Variants in IMPA1 observed in about 807,000 individuals in gnomAD.
The protein encoded by IMPA1 is inositol monophosphatase 1, also known as D-galactose 1-phosphate phosphatase.
A neutral mutation model predicts 34.9 loss-of-function variants in IMPA1; 21 were observed. The ratio of observed to expected loss-of-function variants is 0.60; its 90% CI spans 0.43 to 0.87. IMPA1 has a LOEUF of 0.87. Among genes scored for constraint, IMPA1 ranks in the 40% least tolerant of loss-of-function variants. The pLI is 0.00. For missense variants in IMPA1, 299 were observed against 336.4 expected (o/e 0.89, Z 0.87); for synonymous variants, 95 against 104.4 (o/e 0.91, Z 0.55).
chr8:81,659,027 A>C lies in IMPA1; in HGVS notation c.*324T>G, dbSNP rs773393432. On this transcript the variant is annotated 3_prime_UTR_variant, in exon 9 of 9. Transcript: ENST00000256108. ...TGGGTGTCTCTGCACCTATATACTA[A>C]GTCAAAATTTCAGGGGACCATAGAT... 8.8e-5 allele frequency: 28 copies of C among 316,442 alleles called. No individual in the cohort carries two copies. The highest frequency in any genetic ancestry group is 1.5e-4 in the Admixed American group (3 of 19,720). 19.6% of individuals were successfully genotyped at this position (316,442 alleles called of 1,614,324 possible). A position where few individuals can be genotyped will look rare whatever the true frequency, so the allele number is the denominator to read the frequency against.
intron 3 of IMPA1, among the ~76,000 whole-genome samples, chr8:81,680,375 G>A (rs771786562): frequency 8.5e-5 from 13 of 152,128 alleles, no homozygotes; most frequent in Non-Finnish European, 8.8e-5. Flanking sequence ...CTTCCATGTC[G>A]TGAGCTACTC....
In IMPA1 at chr8:81,666,711, T is replaced by TAAAAATAC. The variant is rs549836210; in HGVS notation, c.566+4220_566+4227dup. Among the ~76,000 whole-genome samples the TAAAAATAC allele has an allele frequency of 2.1e-3, 316 of 151,720 alleles. 1 individual carries two copies. Among genetic ancestry groups the TAAAAATAC allele is most frequent in the African/African-American group, 7.4e-3 (305 of 41,374 alleles). On this transcript the variant is annotated intron_variant, in intron 7 of 8. Coordinates refer to ENST00000256108, the MANE Select transcript of IMPA1 (RefSeq NM_005536.4). Reference sequence around the variant, plus strand: ...CAACATGGCGAAACCCTGTCTCTACTAAAAATACAAAAGCCGGGCATGGTG... The same window carrying TAAAAATAC: ...CAACATGGCGAAACCCTGTCTCTACTAAAAATACAAAAATACAAAAGCCGGGCATGGTG...
chr8:81,684,403 T>A lies in IMPA1; in HGVS notation c.-25+1849A>T, dbSNP rs575988952. Among the ~76,000 whole-genome samples, 7 of 144,938 alleles carry A rather than the reference T, an allele frequency of 4.8e-5. No individual in the cohort carries two copies. The South Asian group carries it at 1.5e-3, about 31-fold the overall frequency. ...ATATATAGTATATATACCATACATA[T>A]TTAGATACTATATATAGTATACTAT... is the stretch of plus-strand genomic sequence containing the variant. On this transcript the variant is annotated intron_variant, in intron 1 of 8. Coordinates refer to ENST00000256108, the MANE Select transcript of IMPA1 (RefSeq NM_005536.4).
rs150137136 is a variant in IMPA1, at chr8:81,680,663, A to G, written c.184T>C (p.Tyr62His). The G allele has an allele frequency of 1.2e-6, 2 of 1,609,460 alleles. No homozygotes were observed. Among genetic ancestry groups the G allele is most frequent in the Non-Finnish European group, 1.7e-6 (2 of 1,177,688 alleles). The change falls in exon 3 of 9, where the codon TAT (tyrosine) becomes CAT (histidine). Residue 62 changes from tyrosine to histidine, a missense_variant. Transcript: ENST00000256108. ...KMLISSIKEK[Y>H]PSHSFIGEES... ...AAATAAAAATACCTGTGAGATGGAT[A>G]CTTTTCCTTTATGGAAGAGATAAGC...
At chr8:81,674,022 G>A (rs191162314) in intron 5 of IMPA1, 73 bp from the exon 6 acceptor site, 15 of 887,102 alleles carry the variant, frequency 1.7e-5, no homozygotes, top group Non-Finnish European at 2.8e-5. Context: ...AAAATAACAA[G>A]ACAATCTGGT....
At chr8:81,680,339 AC>A (rs1254669023) in intron 3 of IMPA1, among the ~76,000 whole-genome samples, 2 of 152,084 alleles carry the variant, frequency 1.3e-5, no homozygotes, top group Admixed American at 1.3e-4. Flanking sequence ...TTCCTGTGCC[AC>A]CTGCTCTGGA....
intron 7 of IMPA1, among the ~76,000 whole-genome samples, chr8:81,668,792 C>T (rs1043479814): frequency 3.9e-5 from 6 of 151,960 alleles, no homozygotes; most frequent in African/African-American, 9.7e-5. Flanking sequence ...AGAAAGAACC[C>T]GAAGGCATTT....
chr8:81,658,235 A>G lies in IMPA1; in HGVS notation c.*1116T>C, dbSNP rs1806573349. On this transcript the variant is annotated 3_prime_UTR_variant, in exon 9 of 9. Coordinates refer to ENST00000256108, the MANE Select transcript of IMPA1 (RefSeq NM_005536.4). ...GTAGTCTGTTTACGTGCCAAGGGAT[A>G]AGGCTGAACAATAAATTAACCCTTT... is the stretch of plus-strand genomic sequence containing the variant. 6.6e-6 allele frequency: 1 copy of G among 152,208 alleles called. No individual in the cohort carries two copies. The allele number at this position is 152,208 out of a possible 1,614,324, so 9.4% of individuals were successfully genotyped here.
chr8:81,678,600 A>G, intron 4 of IMPA1: 2 of 174,104 alleles, frequency 1.1e-5, no homozygotes, highest in Non-Finnish European at 2.5e-5. Flanking sequence ...GCTGAGGCAG[A>G]AGAATCGCTT....
chr8:81,676,964 A>G (rs1807150609), intron 4 of IMPA1, among the ~76,000 whole-genome samples: 1 of 152,210 alleles, frequency 6.6e-6, no homozygotes, highest in Non-Finnish European at 1.5e-5. Flanking sequence ...ACTGCATGCC[A>G]GCCTGGGTGA....
At chr8:81,683,837 A>T (rs1585905750) in intron 1 of IMPA1, among the ~76,000 whole-genome samples, 1 of 152,156 alleles carries the variant, frequency 6.6e-6, no homozygotes, top group Non-Finnish European at 1.5e-5. Context: ...GATCCCACAA[A>T]ATCAGTATGA....
intron 8 of IMPA1, among the ~76,000 whole-genome samples, chr8:81,659,724 C>T (rs1383067351): frequency 2.0e-5 from 3 of 152,056 alleles, no homozygotes; most frequent in Non-Finnish European, 4.4e-5. Flanking sequence ...ATTCTTATTA[C>T]CTCTTTATTG....
intron 7 of IMPA1, among the ~76,000 whole-genome samples, chr8:81,668,601 A>AAAAC (rs959254111): frequency 3.3e-5 from 5 of 152,140 alleles, no homozygotes; most frequent in African/African-American, 7.2e-5. Context: ...TCCAAAAAAC[A>AAAAC]AAACAAACAA....
chr8:81,684,639 AC>A, intron 1 of IMPA1, among the ~76,000 whole-genome samples: 1 of 131,428 alleles, frequency 7.6e-6, no homozygotes, highest in African/African-American at 2.8e-5. Flanking sequence ...AAGTATATAT[AC>A]TACACATAAG....
Position 81,679,153 on chromosome 8 carries a change from A to G in IMPA1, c.275T>C (p.Ile92Thr). Reference protein sequence around the residue: ...TDNPTWIIDPIDGTTNFVHRF... With the variant: ...TDNPTWIIDPTDGTTNFVHRF... The stretch of plus-strand genomic sequence containing the variant: ...ATGTACAAAGTTAGTTGTTCCATCA[A>G]TAGGGTCAATGATCCATGTGGGGTT... Residue 92 changes from isoleucine (I) to threonine (T), a missense_variant, in exon 4 of 9, where the codon ATT (isoleucine) becomes ACT (threonine). Transcript: ENST00000256108. 3 of 1,612,852 alleles carry G rather than the reference A, an allele frequency of 1.9e-6. No individual in the cohort carries two copies. Among genetic ancestry groups the G allele is most frequent in the Non-Finnish European group, 2.5e-6 (3 of 1,178,858 alleles).
chr8:81,667,666 G>C (rs528761813), intron 7 of IMPA1, among the ~76,000 whole-genome samples: 46 of 152,106 alleles, frequency 3.0e-4, no homozygotes, highest in Non-Finnish European at 5.3e-4. Context: ...TAGAGATTGA[G>C]TTAAGTAGCT....
rs760318185 is a variant in IMPA1 at position 81,657,767 on chromosome 8, G to A, written c.*1584C>T. 1.3e-5 allele frequency among the ~76,000 whole-genome samples: 2 copies of A among 151,922 alleles called. No homozygotes were observed. Among genetic ancestry groups the A allele is most frequent in the African/African-American group, 2.4e-5 (1 of 41,364 alleles). ...AAAATTAAAACATTAGTAGGGCATG[G>A]TGGCATGAACTTATAGTCCCAGCTA... On this transcript the variant is annotated 3_prime_UTR_variant, in exon 9 of 9. Transcript: ENST00000256108.
intron 5 of IMPA1, 21 bp downstream of exon 5, chr8:81,676,213 T>C: frequency 1.7e-6 from 2 of 1,171,610 alleles, no homozygotes; most frequent in Non-Finnish European, 2.4e-6. Context: ...TATAATCAAC[T>C]ATACGTTTAA....
intron 1 of IMPA1, among the ~76,000 whole-genome samples, chr8:81,685,355 ATATG>A (rs1233585793): frequency 3.6e-5 from 5 of 137,760 alleles, no homozygotes; most frequent in African/African-American, 1.1e-4. Flanking sequence ...ATGTAAGTAT[ATATG>A]TAAGTATATT....
Sources: gnomAD v4.1 joint callset for allele counts (sites outside exome capture counted in the v4.1 genomes callset) on GRCh38, gnomAD v4.1.1 for gene constraint, MANE v1.5 for transcripts, NCBI Gene and HGNC (gene_info 2026-07-23, HGNC 2026-07-21) for gene names.